Variants in FER1L6 observed in about 807,000 individuals in gnomAD.
FER1L6 encodes fer-1 like family member 6.
FER1L6 carries 177 observed loss-of-function variants against 219.2 expected under a neutral mutation model. The observed-to-expected ratio is 0.81, with a 90% CI of 0.71 to 0.91. FER1L6 has a LOEUF of 0.91. FER1L6 is among the 40% of genes least tolerant of loss of function. The probability of loss-of-function intolerance (pLI) is 0.00; values close to 1 mark genes in which losing one functional copy is unlikely to be tolerated. For missense variants in FER1L6, 2,153 were observed against 2,259.9 expected (o/e 0.95, Z 0.96); for synonymous variants, 768 against 824.3 (o/e 0.93, Z 1.17).
At chr8:123,922,979 C>CA (rs376473110) in intron 1 of FER1L6, among the ~76,000 whole-genome samples, 1 of 152,150 alleles carries the variant, frequency 6.6e-6, no homozygotes, top group African/African-American at 2.4e-5. Flanking sequence ...ACAGCCCCCC[C>CA]CCAGACCCCC....
intron 1 of FER1L6, among the ~76,000 whole-genome samples, chr8:123,936,086 G>A (rs1418747847): frequency 6.6e-6 from 1 of 152,136 alleles, no homozygotes; most frequent in Non-Finnish European, 1.5e-5. Flanking sequence ...GAGTGAATAA[G>A]CCTGCGTATT....
At chr8:123,884,051 T>A (rs1321429782) in intron 1 of FER1L6, among the ~76,000 whole-genome samples, 1 of 152,246 alleles carries the variant, frequency 6.6e-6, no homozygotes, top group African/African-American at 2.4e-5. Context: ...GAAAGACCAG[T>A]GCATGCCCTT....
At chr8:124,002,878 G>A (rs1054598210) in intron 12 of FER1L6, among the ~76,000 whole-genome samples, 10 of 152,028 alleles carry the variant, frequency 6.6e-5, no homozygotes, top group African/African-American at 2.4e-4. Flanking sequence ...ACACTATAAT[G>A]TTTAAAATGG....
chr8:123,956,075 G>T lies in FER1L6; in HGVS notation c.76+1G>T. On this transcript the variant is annotated splice_donor_variant, in intron 2 of 40. Transcript: ENST00000522917. LOFTEE classifies it high-confidence loss of function. ...ATCCTAGCCAACAAGGCTGCGAAAG[G>T]TGAGGCTGGGGGTGGGGTGCTGACC... 1.2e-6 allele frequency: 2 copies of T among 1,609,542 alleles called. No homozygotes were observed. The highest frequency in any genetic ancestry group is 1.7e-6 in the Non-Finnish European group (2 of 1,178,348).
chr8:124,049,470 C>T (rs768913840), intron 21 of FER1L6, 137 bp from the exon 22 acceptor site: 41 of 997,954 alleles, frequency 4.1e-5, no homozygotes, highest in Non-Finnish European at 6.1e-5. Flanking sequence ...GCAAGAGGAG[C>T]TTGGCAGGAG....
At chr8:123,995,800 A>G (rs1338865435) in intron 12 of FER1L6, among the ~76,000 whole-genome samples, 2 of 151,936 alleles carry the variant, frequency 1.3e-5, no homozygotes, top group African/African-American at 4.8e-5. Flanking sequence ...GTAGGTGCTT[A>G]TTGCTATAAA....
At chr8:124,033,486 A>T (rs552562747) in intron 18 of FER1L6, among the ~76,000 whole-genome samples, 2 of 151,936 alleles carry the variant, frequency 1.3e-5, no homozygotes, top group South Asian at 4.2e-4. Flanking sequence ...AACAAAATAA[A>T]CTTACTTGAT....
Position 123,953,352 on chromosome 8 carries a change from G to C in FER1L6, c.-7-2640G>C, listed in dbSNP as rs189395879. Among the ~76,000 whole-genome samples the C allele has an allele frequency of 7.6e-4, 115 of 152,242 alleles. 1 individual carries two copies. The Middle Eastern group carries it at 0.01, about 14-fold the overall frequency. On this transcript the variant is annotated intron_variant, in intron 1 of 40. Transcript: ENST00000522917. The stretch of plus-strand genomic sequence containing the variant: ...TTACTCTTCAGCAGGCCTGAGCTGC[G>C]CCTAGACCACTGCTTCTCAACACTG...
At chr8:123,941,361 C>A (rs1814232037) in intron 1 of FER1L6, among the ~76,000 whole-genome samples, 1 of 151,968 alleles carries the variant, frequency 6.6e-6, no homozygotes, top group Non-Finnish European at 1.5e-5. Context: ...CAGTGTTAAC[C>A]AGAGAAAGAG....
At chr8:123,970,178 A>C (rs1190610080) in intron 6 of FER1L6, 81 bp downstream of exon 6, 2 of 1,257,652 alleles carry the variant, frequency 1.6e-6, no homozygotes, top group Non-Finnish European at 2.3e-6. Context: ...ACAACTCAGC[A>C]TACTTAGCGG....
chr8:124,023,913 T>C (rs1281954332), intron 18 of FER1L6, among the ~76,000 whole-genome samples: 1 of 151,818 alleles, frequency 6.6e-6, no homozygotes, highest in Non-Finnish European at 1.5e-5. Context: ...TTTTTTTTTT[T>C]TGAGACAGTG....
intron 18 of FER1L6, among the ~76,000 whole-genome samples, chr8:124,030,358 C>G (rs1329759802): frequency 5.3e-5 from 8 of 152,094 alleles, no homozygotes; most frequent in Non-Finnish European, 1.2e-4. Context: ...TCCTTTTTCT[C>G]TAATTTAAAC....
rs577506873 is a variant in FER1L6 at position 123,908,346 on chromosome 8, A to G, written c.-7-47646A>G. ...TGAGGCTCTTACAAGATACTCTGCA[A>G]TTGGGAGTGGTATTGATTCAGGGCC... On this transcript the variant is annotated intron_variant, in intron 1 of 40. Transcript: ENST00000522917. 5.3e-4 allele frequency among the ~76,000 whole-genome samples: 81 copies of G among 152,318 alleles called. 1 individual carries two copies. Among genetic ancestry groups the G allele is most frequent in the African/African-American group, 1.9e-3 (77 of 41,568 alleles).
intron 20 of FER1L6, chr8:124,040,659 C>G (rs888904975): frequency 2.6e-5 from 4 of 153,280 alleles, no homozygotes; most frequent in African/African-American, 9.7e-5. Context: ...AGTTGAGGAG[C>G]CGTATCTGAT....
At chr8:124,008,964 C>T (rs1037279852) in intron 13 of FER1L6, among the ~76,000 whole-genome samples, 1 of 152,000 alleles carries the variant, frequency 6.6e-6, no homozygotes, top group African/African-American at 2.4e-5. Flanking sequence ...AAATCAAGAC[C>T]ACAATGCTCA....
intron 29 of FER1L6, among the ~76,000 whole-genome samples, chr8:124,070,135 A>G (rs1174108863): frequency 2.0e-5 from 3 of 152,220 alleles, no homozygotes; most frequent in African/African-American, 7.2e-5. Context: ...TATTGATTTG[A>G]ATCTCCTCAA....
At chr8:123,917,734 C>A (rs1468037945) in intron 1 of FER1L6, among the ~76,000 whole-genome samples, 1 of 152,212 alleles carries the variant, frequency 6.6e-6, no homozygotes, top group Non-Finnish European at 1.5e-5. Flanking sequence ...TCTCTTCAGG[C>A]ATCTTTCTAT....
At chr8:123,992,758 G>GT (rs1172888200) in intron 12 of FER1L6, among the ~76,000 whole-genome samples, 1 of 151,784 alleles carries the variant, frequency 6.6e-6, no homozygotes, top group Non-Finnish European at 1.5e-5. Context: ...TTTGAGTTTT[G>GT]TTTTTTTCCT....
intron 39 of FER1L6, among the ~76,000 whole-genome samples, chr8:124,103,545 T>A (rs2130992893): frequency 6.6e-6 from 1 of 152,240 alleles, no homozygotes; most frequent in East Asian, 1.9e-4. Context: ...CTGGCATTAA[T>A]TTTTTTTCAA....
Sources: allele counts gnomAD v4.1 joint callset (sites outside exome capture counted in the v4.1 genomes callset), GRCh38; gene constraint gnomAD v4.1.1; transcripts MANE v1.5; gene names NCBI Gene and HGNC (gene_info 2026-07-23, HGNC 2026-07-21).